The following CCDC134 variants were observed in gnomAD, a reference collection of about 807,000 sequenced individuals.
CCDC134 encodes coiled-coil domain containing 134.
CCDC134 carries 27 observed loss-of-function variants against 25.6 expected under a neutral mutation model. The ratio of observed to expected loss-of-function variants is 1.05; its 90% CI spans 0.78 to 1.45. The LOEUF is 1.45. CCDC134 is among the 40% of genes most tolerant of loss of function. The probability of loss-of-function intolerance (pLI) is 0.00; values close to 1 mark genes in which losing one functional copy is unlikely to be tolerated. For missense variants in CCDC134, 261 were observed against 286.7 expected (o/e 0.91, Z 0.65); for synonymous variants, 110 against 115.0 (o/e 0.96, Z 0.28).
At chr22:41,813,617 C>T in intron 5 of CCDC134, 134 bp from the exon 6 acceptor site, 1 of 1,202,974 alleles carries the variant, frequency 8.3e-7, no homozygotes, top group Non-Finnish European at 1.2e-6. Context: ...TGTGCTGACC[C>T]AGTTCCCATG....
At position 41,825,721 on chromosome 22, in the gene CCDC134, C is replaced by G. The variant is rs760044279; in HGVS notation, c.588C>G (p.Phe196Leu). ...RTEFIPSTDP[F>L]QKALREEEKR... Reference sequence around the variant, plus strand: ...AGTTCATTCCCAGCACTGACCCTTTCCAGAAGGCCCTGAGAGAAGAAGAGA... The same window carrying G: ...AGTTCATTCCCAGCACTGACCCTTTGCAGAAGGCCCTGAGAGAAGAAGAGA... Residue 196 changes from phenylalanine to leucine, a missense_variant, in exon 7 of 7, where the codon TTC becomes TTG. Phe to Leu is a conservative substitution (Grantham distance 22). Transcript: ENST00000255784. This position sits in a 1 kb window ranked among gnomAD's most constrained non-coding sequence, Gnocchi z 4.4. 1 of 1,614,032 alleles carries G rather than the reference C, an allele frequency of 6.2e-7. No individual in the cohort carries two copies. Among genetic ancestry groups the G allele is most frequent in the Non-Finnish European group, 8.5e-7 (1 of 1,180,010 alleles).
Position 41,810,228 on chromosome 22 carries a change from G to A in CCDC134, c.247G>A (p.Val83Met), listed in dbSNP as rs746176647. The A allele has an allele frequency of 3.1e-6, 5 of 1,614,080 alleles. No homozygotes were observed. The highest frequency in any genetic ancestry group is 3.3e-5 in the Admixed American group (2 of 60,018). ...LFKVLEDSRTVLTAADVLPDG... is the reference protein window; with the variant it reads ...LFKVLEDSRTMLTAADVLPDG... ...TCAGGTGCTGGAGGACTCCCGGACA[G>A]TGCTCACCGCTGCTGATGTGCTCCC... is the stretch of plus-strand genomic sequence containing the variant. Residue 83 changes from valine to methionine, a missense_variant, in exon 4 of 7, where the codon GTG (valine) becomes ATG (methionine). Val to Met is a conservative substitution (Grantham distance 21, BLOSUM62 1). Transcript: ENST00000255784.
intron 1 of CCDC134, among the ~76,000 whole-genome samples, chr22:41,802,066 G>A (rs771432700): frequency 1.3e-5 from 2 of 152,178 alleles, no homozygotes; most frequent in East Asian, 1.9e-4. Flanking sequence ...CCTTTGTGCA[G>A]GGTTGTGGTT....
rs1367416829 is a variant in CCDC134, at chr22:41,830,251, G to A, written c.*4428G>A. Among the ~76,000 whole-genome samples, 2 of 152,208 alleles carry A rather than the reference G, an allele frequency of 1.3e-5. No individual in the cohort carries two copies. Among genetic ancestry groups the A allele is most frequent in the African/African-American group, 4.8e-5 (2 of 41,466 alleles). On this transcript the variant is annotated 3_prime_UTR_variant, in exon 7 of 7. Coordinates refer to ENST00000255784, the MANE Select transcript of CCDC134 (RefSeq NM_024821.5). ...AATATCAGTGCTTCCTGAGGTTCGGGTCCAGCCACCCTTCTTCCACCATTT... is the reference window on the plus strand; with the variant it reads ...AATATCAGTGCTTCCTGAGGTTCGGATCCAGCCACCCTTCTTCCACCATTT...
intron 6 of CCDC134, among the ~76,000 whole-genome samples, chr22:41,822,508 G>C (rs2076657122): frequency 6.6e-6 from 1 of 152,182 alleles, no homozygotes; most frequent in African/African-American, 2.4e-5. Context: ...GGTGGCCAGG[G>C]AAGATTCCTG....
intron 4 of CCDC134, among the ~76,000 whole-genome samples, chr22:41,811,697 CT>C (rs1239820954): frequency 2.0e-5 from 3 of 152,132 alleles, no homozygotes; most frequent in African/African-American, 7.2e-5. Context: ...TCCCAAAGTG[CT>C]GGGATTACAG....
At position 41,825,944 on chromosome 22, in the gene CCDC134, G is replaced by T; in HGVS notation, c.*121G>T. 1.4e-6 allele frequency: 2 copies of T among 1,418,848 alleles called. No homozygotes were observed. Among genetic ancestry groups the T allele is most frequent in the Non-Finnish European group, 1.9e-6 (2 of 1,042,050 alleles). The allele number at this position is 1,418,848 out of a possible 1,614,324, so 87.9% of individuals were successfully genotyped here. On this transcript the variant is annotated 3_prime_UTR_variant, in exon 7 of 7. Coordinates refer to ENST00000255784, the MANE Select transcript of CCDC134 (RefSeq NM_024821.5). This position sits in a 1 kb window ranked among gnomAD's most constrained non-coding sequence, Gnocchi z 4.4. Reference sequence around the variant, plus strand: ...CCTTCCAGAAGGGGAGGCCACATTTGCCCGGCCCCCTGGAGCTGGGTCTGA... The same window carrying T: ...CCTTCCAGAAGGGGAGGCCACATTTTCCCGGCCCCCTGGAGCTGGGTCTGA...
chr22:41,814,632 AGG>A (rs200990259), intron 6 of CCDC134, among the ~76,000 whole-genome samples: 3,621 of 150,314 alleles, frequency 0.024, 79 homozygotes, highest in Admixed American at 0.07. Flanking sequence ...CAGGGCTAGG[AGG>A]GGCAGGAAGG....
chr22:41,810,029 C>T (rs572276452), intron 3 of CCDC134, 29 bp downstream of exon 3: 9 of 1,612,800 alleles, frequency 5.6e-6, no homozygotes, highest in Non-Finnish European at 7.6e-6. Context: ...CAGCTCATGG[C>T]AGGTCCAGTC....
chr22:41,817,701 C>G (rs747317029), intron 6 of CCDC134, among the ~76,000 whole-genome samples: 12 of 151,516 alleles, frequency 7.9e-5, no homozygotes, highest in Non-Finnish European at 1.6e-4. Flanking sequence ...CACTGCACTC[C>G]AGCCTGGGCA....
At chr22:41,802,853 G>A (rs994580575) in intron 1 of CCDC134, among the ~76,000 whole-genome samples, 2 of 151,986 alleles carry the variant, frequency 1.3e-5, no homozygotes, top group African/African-American at 2.4e-5. Flanking sequence ...GGCAGAGCTT[G>A]CAGTGAACCG....
rs201977668 is a variant in CCDC134, at chr22:41,813,258, C to G, written c.311-6C>G. On this transcript the variant is annotated splice_region_variant and splice_polypyrimidine_tract_variant and intron_variant, in intron 4 of 6. Transcript: ENST00000255784. Reference sequence around the variant, plus strand: ...CCCTGGCCACTCATCAGGGTCCTCTCGCCAGCTTTCTCCCACGTGGTGGAG... The same window carrying G: ...CCCTGGCCACTCATCAGGGTCCTCTGGCCAGCTTTCTCCCACGTGGTGGAG... 1.2e-6 allele frequency: 2 copies of G among 1,614,068 alleles called. No homozygotes were observed. The highest frequency in any genetic ancestry group is 2.2e-5 in the East Asian group (1 of 44,872).
intron 6 of CCDC134, among the ~76,000 whole-genome samples, chr22:41,820,156 C>T (rs1009898839): frequency 3.4e-5 from 5 of 148,468 alleles, no homozygotes; most frequent in African/African-American, 7.5e-5. Flanking sequence ...CCACCACGCC[C>T]GGCTAATTTT....
At chr22:41,817,003 A>G (rs1202033943) in intron 6 of CCDC134, among the ~76,000 whole-genome samples, 1 of 151,470 alleles carries the variant, frequency 6.6e-6, no homozygotes, top group African/African-American at 2.5e-5. Context: ...TATCACTTAG[A>G]TCTTTCATTC....
chr22:41,823,249 A>G (rs1248377765), intron 6 of CCDC134, among the ~76,000 whole-genome samples: 6 of 146,940 alleles, frequency 4.1e-5, no homozygotes, highest in Non-Finnish European at 6.0e-5. Context: ...TTTTGAGACA[A>G]AGTCTCGCTC....
intron 6 of CCDC134, among the ~76,000 whole-genome samples, chr22:41,816,991 A>C (rs1487431138): frequency 6.6e-6 from 1 of 152,048 alleles, no homozygotes; most frequent in Non-Finnish European, 1.5e-5. Flanking sequence ...GTTGTTGCCT[A>C]CTATCACTTA....
chr22:41,821,882 C>G (rs2076654046), intron 6 of CCDC134, among the ~76,000 whole-genome samples: 1 of 152,114 alleles, frequency 6.6e-6, no homozygotes, highest in African/African-American at 2.4e-5. Flanking sequence ...TGGGGGTTGT[C>G]TCCTGCTACT....
Position 41,826,055 on chromosome 22 carries a change from T to C in CCDC134, c.*232T>C, listed in dbSNP as rs935636171. 2.4e-5 allele frequency: 12 copies of C among 491,594 alleles called. No homozygotes were observed. The highest frequency in any genetic ancestry group is 4.1e-5 in the Non-Finnish European group (11 of 270,518). 30.5% of individuals were successfully genotyped at this position (491,594 alleles called of 1,614,324 possible). A position where few individuals can be genotyped will look rare whatever the true frequency, so the allele number is the denominator to read the frequency against. ...AAGGGGCCTTCAGAGGATTTTATGC[T>C]GGAAATATGACCCTGTGCAGACTGC... On this transcript the variant is annotated 3_prime_UTR_variant, in exon 7 of 7. Transcript: ENST00000255784.
chr22:41,819,243 C>T (rs2076637443), intron 6 of CCDC134, among the ~76,000 whole-genome samples: 1 of 152,212 alleles, frequency 6.6e-6, no homozygotes. Context: ...TGTGTGCCAG[C>T]CACTGTCCCT....
Sources: allele counts gnomAD v4.1 joint callset (sites outside exome capture counted in the v4.1 genomes callset), GRCh38; gene constraint gnomAD v4.1.1; non-coding constraint Gnocchi (gnomAD v3.1); transcripts MANE v1.5; gene names NCBI Gene and HGNC (gene_info 2026-07-23, HGNC 2026-07-21).